MAN2A2: variants seen among roughly 807,000 people sequenced by gnomAD.
MAN2A2 encodes the protein mannosidase alpha class 2A member 2.
Under a neutral mutation model 126.8 loss-of-function variants are expected in MAN2A2, and 79 were observed. The ratio of observed to expected loss-of-function variants is 0.62; its 90% CI spans 0.52 to 0.75. The LOEUF is 0.75. Among genes scored for constraint, MAN2A2 ranks in the 30% least tolerant of loss-of-function variants. MAN2A2 has a pLI of 0.00. For missense variants in MAN2A2, 1,392 were observed against 1,522.4 expected, an observed-to-expected ratio of 0.91 and a Z score of 1.43; for synonymous variants, 671 against 618.7, an observed-to-expected ratio of 1.08 and a Z score of -1.25.
intron 14 of MAN2A2, 103 bp from the exon 15 acceptor site, chr15:90,911,940 C>A: frequency 2.2e-6 from 2 of 911,238 alleles, no homozygotes; most frequent in South Asian, 1.5e-5. Flanking sequence ...AGAGGCCCAG[C>A]GGGTGCAGGG....
Position 90,906,005 on chromosome 15 carries a change from G to T in MAN2A2, c.696G>T (p.Ala232=). Residue 232 remains alanine, a synonymous_variant, in exon 5 of 23, where the codon GCG becomes GCT. Transcript: ENST00000559717. ...WWDNINVQKR[A]AVRRLVGNGQ... The stretch of plus-strand genomic sequence containing the variant: ...ACAACATCAATGTCCAAAAGAGAGC[G>T]GCAGTCCGAAGGCCAGTACCAGGCG... 1 of 1,613,876 alleles carries T rather than the reference G, an allele frequency of 6.2e-7. No individual in the cohort carries two copies. Among genetic ancestry groups the T allele is most frequent in the South Asian group, 1.1e-5 (1 of 91,086 alleles).
intron 20 of MAN2A2, 28 bp downstream of exon 20, chr15:90,916,284 G>C: frequency 6.2e-7 from 1 of 1,609,180 alleles, no homozygotes; most frequent in South Asian, 1.1e-5. Context: ...CGCCCAGGGA[G>C]CCAGGTCTGG....
In MAN2A2 at chr15:90,910,602, G is replaced by A; in HGVS notation, c.1679G>A (p.Arg560Gln). 2 of 1,614,166 alleles carry A rather than the reference G, an allele frequency of 1.2e-6. No homozygotes were observed. The highest frequency in any genetic ancestry group is 1.6e-4 in the Middle Eastern group (1 of 6,062). Reference protein sequence around the residue: ...LSDFTLLTEARRTLGLFQHHD... With the variant: ...LSDFTLLTEAQRTLGLFQHHD... ...GATTTCACCCTCCTGACGGAAGCTC[G>A]GCGCACATTGGGGCTCTTCCAGCAT... The change falls in exon 11 of 23, where the codon CGG (arginine) becomes CAG (glutamine). Residue 560 changes from arginine (R) to glutamine (Q), a missense_variant. Physicochemically the swap from Arg to Gln is conservative, Grantham distance 43 (BLOSUM62 1). Coordinates refer to ENST00000559717, the MANE Select transcript of MAN2A2 (RefSeq NM_006122.4).
At chr15:90,904,593 C>CTT (rs35245127) in intron 2 of MAN2A2, among the ~76,000 whole-genome samples, 5 of 143,226 alleles carry the variant, frequency 3.5e-5, no homozygotes, top group Non-Finnish European at 7.7e-5. Context: ...TCTTTTCTTT[C>CTT]TTTTTTTTTT....
At position 90,905,396 on chromosome 15, in the gene MAN2A2, C is replaced by G. The variant is rs28446956; in HGVS notation, c.278C>G (p.Thr93Arg). 1 of 1,613,876 alleles carries G rather than the reference C, an allele frequency of 6.2e-7. No homozygotes were observed. The highest frequency in any genetic ancestry group is 8.5e-7 in the Non-Finnish European group (1 of 1,180,034). ...EGPPAMLPYY[T>R]VNGSWVVPPE... is the part of the protein sequence containing the mutation. The stretch of plus-strand genomic sequence containing the variant: ...CCGCCCGCCATGCTGCCCTACTACA[C>G]GGTCAATGGCTCCTGGGTGGTGCCA... The change falls in exon 3 of 23, where the codon ACG becomes AGG. Residue 93 changes from threonine (T) to arginine (R), a missense_variant. Coordinates refer to ENST00000559717, the MANE Select transcript of MAN2A2 (RefSeq NM_006122.4).
chr15:90,916,804 T>C, intron 20 of MAN2A2: 1 of 560,298 alleles, frequency 1.8e-6, no homozygotes, highest in South Asian at 1.7e-5. Flanking sequence ...CAGAGGGACA[T>C]AAGTGCAGAC....
Position 90,912,710 on chromosome 15 carries a change from G to A in MAN2A2, c.2469+46G>A, listed in dbSNP as rs1360521196. Reference sequence around the variant, plus strand: ...ACAACCTGGCAGGGAGGGCAGGAGGGGGCACAGGCCTTCCCACAGGTTTAT... The same window carrying A: ...ACAACCTGGCAGGGAGGGCAGGAGGAGGCACAGGCCTTCCCACAGGTTTAT... On this transcript the variant is annotated intron_variant, in intron 16 of 22. Transcript: ENST00000559717. 2.5e-6 allele frequency: 4 copies of A among 1,611,742 alleles called. No homozygotes were observed. The South Asian group carries it at 4.4e-5, about 18-fold the overall frequency.
intron 19 of MAN2A2, 90 bp from the exon 20 acceptor site, chr15:90,916,033 G>C: frequency 1.4e-6 from 2 of 1,459,068 alleles, no homozygotes; most frequent in African/African-American, 1.4e-5. Flanking sequence ...GCGCTTTTCC[G>C]TCAGGGCCTG....
At position 90,918,278 on chromosome 15, in the gene MAN2A2, C is replaced by A; in HGVS notation, c.3079C>A (p.Pro1027Thr). ...MYLNAPALALPVARMQLPGPG... is the reference protein window; with the variant it reads ...MYLNAPALALTVARMQLPGPG... Reference sequence around the variant, plus strand: ...CCTGAACGCCCCGGCGCTCGCTCTGCCTGTAGCCAGGATGCAGCTCCCAGG... The same window carrying A: ...CCTGAACGCCCCGGCGCTCGCTCTGACTGTAGCCAGGATGCAGCTCCCAGG... The change falls in exon 21 of 23, where the codon CCT (proline) becomes ACT (threonine). Residue 1027 changes from proline to threonine, a missense_variant. Coordinates refer to ENST00000559717, the MANE Select transcript of MAN2A2 (RefSeq NM_006122.4). The A allele has an allele frequency of 1.2e-6, 2 of 1,614,198 alleles. No homozygotes were observed. The highest frequency in any genetic ancestry group is 1.7e-6 in the Non-Finnish European group (2 of 1,180,030).
At position 90,915,908 on chromosome 15, in the gene MAN2A2, C is replaced by T. The variant is rs549722241; in HGVS notation, c.2861-215C>T. The T allele has an allele frequency of 9.5e-6, 5 of 525,426 alleles. No homozygotes were observed. In the East Asian group the frequency reaches 1.2e-4, roughly 13 times the overall value. 32.5% of individuals were successfully genotyped at this position (525,426 alleles called of 1,614,324 possible). ...AGGGCCAGCCTTCCCCTTTCTGGAC[C>T]TCATGCTTCCTCATCTGCAAAATAA... On this transcript the variant is annotated intron_variant, in intron 19 of 22. Transcript: ENST00000559717.
In MAN2A2 at chr15:90,912,606, C is replaced by G. The variant is rs201543729; in HGVS notation, c.2411C>G (p.Thr804Ser). The G allele has an allele frequency of 6.2e-7, 1 of 1,614,190 alleles. No individual in the cohort carries two copies. Among genetic ancestry groups the G allele is most frequent in the Middle Eastern group, 1.7e-4 (1 of 6,058 alleles). Residue 804 changes from threonine to serine, a missense_variant, in exon 16 of 23, where the codon ACC becomes AGC. Physicochemically the swap from Thr to Ser is moderately conservative, Grantham distance 58. Transcript: ENST00000559717. ...GACATGCAGGTCCTTGTCTATGGCA[C>G]CCGTACGTCCAAAGACAAGAGTGGA... ...QVDMQVLVYG[T>S]RTSKDKSGAY...
chr15:90,907,180 T>A (rs942570086), intron 7 of MAN2A2, 129 bp from the exon 8 acceptor site: 13 of 984,796 alleles, frequency 1.3e-5, no homozygotes, highest in South Asian at 1.5e-5. Flanking sequence ...GCCTACACAC[T>A]CTCTCCAGCC....
rs1166705622 is a variant in MAN2A2 at position 90,912,552 on chromosome 15, G to A, written c.2357G>A (p.Arg786Lys). 1.9e-6 allele frequency: 3 copies of A among 1,613,918 alleles called. No homozygotes were observed. Among genetic ancestry groups the A allele is most frequent in the Non-Finnish European group, 2.5e-6 (3 of 1,179,900 alleles). Reference protein sequence around the residue: ...GLTGLLKSIRRVDEEHEQQVD... With the variant: ...GLTGLLKSIRKVDEEHEQQVD... ...TGTGTTTTTTGGCAGAGCATCCGAA[G>A]GGTGGATGAGGAGCACGAGCAGCAG... Residue 786 changes from arginine (R) to lysine (K), a missense_variant, in exon 16 of 23, where the codon AGG (arginine) becomes AAG (lysine). By Grantham distance (26) the Arg-to-Lys change is conservative (BLOSUM62 2). Transcript: ENST00000559717.
At chr15:90,918,613 G>T (rs567269184) in intron 21 of MAN2A2, 32 bp from the exon 22 acceptor site, 43 of 1,433,296 alleles carry the variant, frequency 3.0e-5, no homozygotes, top group Non-Finnish European at 3.9e-6. Context: ...AAAGCCCTGC[G>T]CCCACTTCCC....
intron 8 of MAN2A2, among the ~76,000 whole-genome samples, chr15:90,908,650 AC>A (rs1472746820): frequency 3.3e-5 from 5 of 150,720 alleles, no homozygotes; most frequent in Non-Finnish European, 1.5e-5. Flanking sequence ...ATTTCGGCTC[AC>A]CGCAACCTCC....
chr15:90,906,789 C>T lies in MAN2A2; in HGVS notation c.885C>T (p.Ser295=), dbSNP rs1375476836. ...GWAVDPFGYS[S]TMPYLLRRAN... is the part of the protein sequence containing the mutation. ...CAGTGGACCCCTTTGGATACAGCTC[C>T]ACCATGCCTTACCTGCTGCGCCGTG... Residue 295 remains serine, a synonymous_variant, in exon 7 of 23, where the codon TCC becomes TCT. Transcript: ENST00000559717. The T allele has an allele frequency of 1.1e-5, 17 of 1,613,736 alleles. No homozygotes were observed. Among genetic ancestry groups the T allele is most frequent in the Non-Finnish European group, 1.4e-5 (16 of 1,179,996 alleles).
At position 90,916,250 on chromosome 15, in the gene MAN2A2, C is replaced by T; in HGVS notation, c.2988C>T (p.Gly996=). The change falls in exon 20 of 23, where the codon GGC becomes GGT. Residue 996 remains glycine (G), a synonymous_variant. Transcript: ENST00000559717. ...TCCTGCTAGAGCGGCGAACCGTGGG[C>T]AGTGAGGTAACATCTGGGGCTGACG... The part of the protein sequence containing the change: ...FRLLLERRTV[G]SEVQDSHSTS... 6.2e-7 allele frequency: 1 copy of T among 1,613,730 alleles called. No individual in the cohort carries two copies. The highest frequency in any genetic ancestry group is 8.5e-7 in the Non-Finnish European group (1 of 1,179,820).
intron 19 of MAN2A2, among the ~76,000 whole-genome samples, chr15:90,915,246 C>G (rs1367141142): frequency 1.3e-5 from 2 of 152,208 alleles, no homozygotes; most frequent in Non-Finnish European, 2.9e-5. Flanking sequence ...TTTCAGACAT[C>G]TTTCTGTGGT....
intron 9 of MAN2A2, 70 bp from the exon 10 acceptor site, chr15:90,910,020 T>G: frequency 7.0e-7 from 1 of 1,423,386 alleles, no homozygotes; most frequent in Non-Finnish European, 9.6e-7. Context: ...CACCCCCAAC[T>G]GCAGCACTGT....
Sources: gnomAD v4.1 joint callset for allele counts (sites outside exome capture counted in the v4.1 genomes callset) on GRCh38, gnomAD v4.1.1 for gene constraint, MANE v1.5 for transcripts, NCBI Gene and HGNC (gene_info 2026-07-23, HGNC 2026-07-21) for gene names.